The following MYRF variants were observed in gnomAD, a reference collection of about 807,000 sequenced individuals.
MYRF encodes myelin gene regulatory factor.
MYRF carries 16 observed loss-of-function variants against 126.3 expected under a neutral mutation model. That is an observed-to-expected ratio of 0.13 (90% CI 0.09 to 0.19). The LOEUF is 0.19. Among genes scored for constraint, MYRF ranks in the 10% least tolerant of loss-of-function variants. MYRF has a pLI of 1.00. For synonymous variants in MYRF, 608 were observed against 635.3 expected (o/e 0.96, Z 0.65); for missense variants, 1,104 against 1,547.0 (o/e 0.71, Z 4.80).
Position 61,779,728 on chromosome 11 carries a change from C to T in MYRF, c.2248-114C>T, listed in dbSNP as rs1400170685. Reference sequence around the variant, plus strand: ...CCCGTTTCTCTTTCTTCTCCCTTTGCCCCCGGGGAAATGGGGCACCCCCTT... The same window carrying T: ...CCCGTTTCTCTTTCTTCTCCCTTTGTCCCCGGGGAAATGGGGCACCCCCTT... On this transcript the variant is annotated intron_variant, in intron 16 of 26. Coordinates refer to ENST00000278836, the MANE Select transcript of MYRF (RefSeq NM_001127392.3). 28 of 1,216,532 alleles carry T rather than the reference C, an allele frequency of 2.3e-5. 1 individual carries two copies. The South Asian group carries it at 3.8e-4, about 17-fold the overall frequency. 75.4% of individuals were successfully genotyped at this position (1,216,532 alleles called of 1,614,324 possible). A position where few individuals can be genotyped will look rare whatever the true frequency, so the allele number is the denominator to read the frequency against.
chr11:61,771,785 G>A (rs1364645665), intron 6 of MYRF, 35 bp downstream of exon 6: 2 of 1,613,306 alleles, frequency 1.2e-6, no homozygotes, highest in South Asian at 1.1e-5. Context: ...GGTGGGGTGT[G>A]GGACCCAAGG....
chr11:61,781,508 A>C, intron 21 of MYRF, 65 bp from the exon 22 acceptor site: 1 of 1,572,648 alleles, frequency 6.4e-7, no homozygotes, highest in Non-Finnish European at 8.6e-7. Context: ...GTGGGGCCCT[A>C]GAGACAGCTG....
chr11:61,775,966 A>G, intron 8 of MYRF, 90 bp from the exon 9 acceptor site: 1 of 1,209,226 alleles, frequency 8.3e-7, no homozygotes, highest in Non-Finnish European at 1.2e-6. Context: ...GGTGAGCTCT[A>G]GTTGGGCCAG....
intron 8 of MYRF, among the ~76,000 whole-genome samples, chr11:61,775,129 C>T (rs997026036): frequency 2.0e-5 from 3 of 152,212 alleles, no homozygotes; most frequent in Non-Finnish European, 4.4e-5. Flanking sequence ...TGGGTTACCT[C>T]CCTTCCTTGT....
At position 61,783,758 on chromosome 11, in the gene MYRF, G is replaced by C; in HGVS notation, c.3120-93G>C. 1 of 1,398,878 alleles carries C rather than the reference G, an allele frequency of 7.1e-7. No homozygotes were observed. The highest frequency in any genetic ancestry group is 9.9e-7 in the Non-Finnish European group (1 of 1,011,048). The allele number at this position is 1,398,878 out of a possible 1,614,324, so 86.7% of individuals were successfully genotyped here. A position where few individuals can be genotyped will look rare whatever the true frequency, so the allele number is the denominator to read the frequency against. ...CCCTTGGACACTGTCTCTTCTGGAG[G>C]GCTCCAGTACAGATTGGGGGCTGAG... On this transcript the variant is annotated intron_variant, in intron 23 of 26. Coordinates refer to ENST00000278836, the MANE Select transcript of MYRF (RefSeq NM_001127392.3). This position sits in a 1 kb window ranked among gnomAD's most constrained non-coding sequence, Gnocchi z 4.6.
chr11:61,755,324 A>T, intron 1 of MYRF: 1 of 1,550,148 alleles, frequency 6.5e-7, no homozygotes. Context: ...AGGCTGGTAC[A>T]GCCGGGCCCC....
At chr11:61,770,040 C>T (rs1045983892) in intron 4 of MYRF, among the ~76,000 whole-genome samples, 55 of 152,026 alleles carry the variant, frequency 3.6e-4, no homozygotes, top group Non-Finnish European at 7.1e-4. Context: ...TGAAAGGCTG[C>T]CCCTCCTTGG....
At position 61,765,644 on chromosome 11, in the gene MYRF, C is replaced by T; in HGVS notation, c.66C>T (p.Ala22=). The change falls in exon 2 of 27, where the codon GCC becomes GCT. Residue 22 remains alanine, a synonymous_variant. Coordinates refer to ENST00000278836, the MANE Select transcript of MYRF (RefSeq NM_001127392.3). The stretch of plus-strand genomic sequence containing the variant: ...CTGCAGGCCACGACATCAACGGTGC[C>T]CTGGAGCCCTCCAACATAGACACCA... ...RFFEGHDING[A]LEPSNIDTSI... is the part of the protein sequence containing the mutation. 6.2e-7 allele frequency: 1 copy of T among 1,612,952 alleles called. No individual in the cohort carries two copies. The highest frequency in any genetic ancestry group is 8.5e-7 in the Non-Finnish European group (1 of 1,179,820).
At chr11:61,769,231 C>A in intron 3 of MYRF, 29 bp from the exon 4 acceptor site, 3 of 1,464,204 alleles carry the variant, frequency 2.0e-6, no homozygotes, top group Non-Finnish European at 2.8e-6. Context: ...AGCTGCTCAC[C>A]CCCCGGCCCC....
Position 61,777,962 on chromosome 11 carries a change from T to A in MYRF, c.1903+117T>A. ...CTCTTGACTCCCGGAACTGCGCCCC[T>A]GGGAATCATGCCTTCTAGAAGTCCC... On this transcript the variant is annotated intron_variant, in intron 13 of 26. Transcript: ENST00000278836. This position sits in a 1 kb window ranked among gnomAD's most constrained non-coding sequence, Gnocchi z 8.8. 1 of 794,384 alleles carries A rather than the reference T, an allele frequency of 1.3e-6. No individual in the cohort carries two copies. 49.2% of individuals were successfully genotyped at this position (794,384 alleles called of 1,614,324 possible). A position where few individuals can be genotyped will look rare whatever the true frequency, so the allele number is the denominator to read the frequency against.
rs969550889 is a variant in MYRF, at chr11:61,757,402, G to A, written c.46+4612G>A. 6.6e-6 allele frequency: 3 copies of A among 451,948 alleles called. No individual in the cohort carries two copies. Among genetic ancestry groups the A allele is most frequent in the Admixed American group, 2.4e-5 (1 of 42,416 alleles). 28.0% of individuals were successfully genotyped at this position (451,948 alleles called of 1,614,324 possible). On this transcript the variant is annotated intron_variant, in intron 1 of 26. Coordinates refer to ENST00000278836, the MANE Select transcript of MYRF (RefSeq NM_001127392.3). This position sits in a 1 kb window ranked among gnomAD's most constrained non-coding sequence, Gnocchi z 4.7. ...GTGCAGTTGTAATGGCAGGGCCTCC[G>A]TCCCAGGGTTTCTGGGGTGATTAGG...
rs1023750979 is a variant in MYRF at position 61,766,306 on chromosome 11, G to T, written c.398+85G>T. 6.4e-6 allele frequency: 9 copies of T among 1,416,946 alleles called. No individual in the cohort carries two copies. In the African/African-American group the frequency reaches 1.3e-4, roughly 20 times the overall value. The allele number at this position is 1,416,946 out of a possible 1,614,324, so 87.8% of individuals were successfully genotyped here. A position where few individuals can be genotyped will look rare whatever the true frequency, so the allele number is the denominator to read the frequency against. On this transcript the variant is annotated intron_variant, in intron 3 of 26. Transcript: ENST00000278836. ...TGTGGCCGTGACCTGGGAGGTGCTAGACACTGGCCTGGCATGGGATGGGCT... is the reference window on the plus strand; with the variant it reads ...TGTGGCCGTGACCTGGGAGGTGCTATACACTGGCCTGGCATGGGATGGGCT...
chr11:61,781,976 G>T, intron 22 of MYRF, 152 bp downstream of exon 22: 1 of 927,536 alleles, frequency 1.1e-6, no homozygotes, highest in Non-Finnish European at 1.5e-6. Flanking sequence ...AATCAGGCCT[G>T]CAGCCTTACA....
intron 8 of MYRF, among the ~76,000 whole-genome samples, chr11:61,775,034 T>A (rs1293979424): frequency 2.0e-5 from 3 of 152,114 alleles, no homozygotes; most frequent in Non-Finnish European, 4.4e-5. Flanking sequence ...TTCCCCAACC[T>A]CATCATGCAT....
rs2066455347 is a variant in MYRF, at chr11:61,778,718, A to G, written c.2013+229A>G. ...TGGAGCCTGTGTGATCAAGGGCAAGAGAAACCCTGTGGAGGGCCATGGCCT... is the reference window on the plus strand; with the variant it reads ...TGGAGCCTGTGTGATCAAGGGCAAGGGAAACCCTGTGGAGGGCCATGGCCT... On this transcript the variant is annotated intron_variant, in intron 14 of 26. Coordinates refer to ENST00000278836, the MANE Select transcript of MYRF (RefSeq NM_001127392.3). This position sits in a 1 kb window ranked among gnomAD's most constrained non-coding sequence, Gnocchi z 4.6. The G allele has an allele frequency of 4.6e-6, 3 of 654,068 alleles. No individual in the cohort carries two copies. In the Admixed American group the frequency reaches 6.2e-5, roughly 14 times the overall value. 40.5% of individuals were successfully genotyped at this position (654,068 alleles called of 1,614,324 possible).
At chr11:61,774,866 C>T (rs903771722) in intron 8 of MYRF, among the ~76,000 whole-genome samples, 1 of 152,132 alleles carries the variant, frequency 6.6e-6, no homozygotes, top group African/African-American at 2.4e-5. Context: ...TCTGCAACCC[C>T]AGTCAAGACC....
chr11:61,758,434 G>T (rs111909318), intron 1 of MYRF, among the ~76,000 whole-genome samples: 1 of 152,200 alleles, frequency 6.6e-6, no homozygotes, highest in African/African-American at 2.4e-5. Context: ...TTCACTCAGT[G>T]GGGCCTGGCT....
At chr11:61,781,089 G>T (rs750123886) in intron 20 of MYRF, 44 bp downstream of exon 20, 1 of 1,611,190 alleles carries the variant, frequency 6.2e-7, no homozygotes. Context: ...AGGTTGCTAT[G>T]TTCTGTCTTT....
At position 61,779,411 on chromosome 11, in the gene MYRF, C is replaced by T. The variant is rs985424827; in HGVS notation, c.2162C>T (p.Ser721Leu). Residue 721 changes from serine to leucine, a missense_variant, in exon 15 of 27, where the codon TCG becomes TTG. Coordinates refer to ENST00000278836, the MANE Select transcript of MYRF (RefSeq NM_001127392.3). ...RLDSLKSTGS[S>L]GAFSHAGSQF... Reference sequence around the variant, plus strand: ...GACAGCCTCAAGTCCACCGGCAGCTCGGGCGCCTTCAGGTAGGGGTGCGGG... The same window carrying T: ...GACAGCCTCAAGTCCACCGGCAGCTTGGGCGCCTTCAGGTAGGGGTGCGGG... 1.0e-5 allele frequency: 16 copies of T among 1,551,042 alleles called. No individual in the cohort carries two copies. The highest frequency in any genetic ancestry group is 5.5e-5 in the African/African-American group (4 of 73,044).
Sources: allele counts gnomAD v4.1 joint callset (sites outside exome capture counted in the v4.1 genomes callset), GRCh38; gene constraint gnomAD v4.1.1; non-coding constraint Gnocchi (gnomAD v3.1); transcripts MANE v1.5; gene names NCBI Gene and HGNC (gene_info 2026-07-23, HGNC 2026-07-21).